The following ARB2A variants were observed in gnomAD, a reference collection of about 807,000 sequenced individuals.
The protein encoded by ARB2A is cotranscriptional regulator ARB2A.
the ARB2A span, chr5:93,784,644 T>C: frequency 1.0e-5 from 6 of 599,446 alleles, no homozygotes; most frequent in Non-Finnish European, 1.7e-5. Flanking sequence ...TTTTTTTGCA[T>C]TGAACACACA....
At chr5:93,889,426 G>A in the ARB2A span, among the ~76,000 whole-genome samples, 1 of 151,740 alleles carries the variant, frequency 6.6e-6, no homozygotes, top group Non-Finnish European at 1.5e-5. Context: ...TTCCCACAAT[G>A]ACCTATGTCA....
chr5:93,715,298 A>T, the ARB2A span, among the ~76,000 whole-genome samples: 1 of 152,200 alleles, frequency 6.6e-6, no homozygotes, highest in Non-Finnish European at 1.5e-5. Context: ...AAATTTTTTT[A>T]AAGCACCTTT....
chr5:93,668,302 G>A, the ARB2A span, among the ~76,000 whole-genome samples: 5 of 151,902 alleles, frequency 3.3e-5, no homozygotes, highest in South Asian at 4.2e-4. Context: ...TCAGGGTTTC[G>A]GCACGTTGGC....
the ARB2A span, among the ~76,000 whole-genome samples, chr5:94,107,710 G>A: frequency 6.6e-6 from 1 of 152,082 alleles, no homozygotes; most frequent in Non-Finnish European, 1.5e-5. Context: ...GAAATTATGT[G>A]GCACATGATC....
At chr5:94,039,853 T>C in the ARB2A span, among the ~76,000 whole-genome samples, 2 of 152,016 alleles carry the variant, frequency 1.3e-5, no homozygotes, top group Admixed American at 1.3e-4. Flanking sequence ...CCTGAAGAGA[T>C]GATACTGAAG....
chr5:93,898,216 T>C, the ARB2A span, among the ~76,000 whole-genome samples: 1 of 152,066 alleles, frequency 6.6e-6, no homozygotes, highest in Non-Finnish European at 1.5e-5. Context: ...TTAGATACTT[T>C]TATTTTCTTC....
At chr5:93,683,797 A>G in the ARB2A span, 5 of 1,202,800 alleles carry the variant, frequency 4.2e-6, no homozygotes, top group Non-Finnish European at 6.0e-6. Flanking sequence ...GCCGCGCAGG[A>G]CGGAATCACA....
At chr5:93,767,396 G>T in the ARB2A span, among the ~76,000 whole-genome samples, 1 of 152,102 alleles carries the variant, frequency 6.6e-6, no homozygotes, top group Non-Finnish European at 1.5e-5. Flanking sequence ...GTGTTGGTGT[G>T]GATGTGGTGA....
the ARB2A span, among the ~76,000 whole-genome samples, chr5:93,633,493 C>T: frequency 1.3e-5 from 2 of 152,162 alleles, no homozygotes; most frequent in Non-Finnish European, 2.9e-5. Flanking sequence ...CTAGGTTTAT[C>T]ATAACCTCAA....
chr5:93,756,229 A>T, the ARB2A span, among the ~76,000 whole-genome samples: 1 of 152,190 alleles, frequency 6.6e-6, no homozygotes, highest in Non-Finnish European at 1.5e-5. Flanking sequence ...AGACTTGTCC[A>T]AGGAGAGTCT....
the ARB2A span, among the ~76,000 whole-genome samples, chr5:93,774,025 C>T: frequency 6.6e-6 from 1 of 152,346 alleles, no homozygotes; most frequent in South Asian, 2.1e-4. Flanking sequence ...ATCCTCTTAC[C>T]TTGGCCTCCC....
chr5:93,770,486 G>A, the ARB2A span, among the ~76,000 whole-genome samples: 1 of 152,052 alleles, frequency 6.6e-6, no homozygotes, highest in African/African-American at 2.4e-5. Context: ...GAAATAAAGG[G>A]TATTCAATTA....
At chr5:93,782,597 T>C in the ARB2A span, among the ~76,000 whole-genome samples, 4 of 152,162 alleles carry the variant, frequency 2.6e-5, no homozygotes, top group Non-Finnish European at 5.9e-5. Context: ...ATGTGTTTTA[T>C]ATTATTTGGG....
At chr5:93,649,597 A>AT in the ARB2A span, among the ~76,000 whole-genome samples, 10 of 152,236 alleles carry the variant, frequency 6.6e-5, no homozygotes, top group African/African-American at 2.2e-4. Context: ...AATTCTTTTT[A>AT]ATTTTTTTGG....
chr5:93,634,069 C>A, the ARB2A span, among the ~76,000 whole-genome samples: 2 of 152,012 alleles, frequency 1.3e-5, no homozygotes, highest in Non-Finnish European at 2.9e-5. Context: ...GGTCGCAAAT[C>A]TACCTTATAT....
At chr5:94,042,713 C>G in the ARB2A span, among the ~76,000 whole-genome samples, 1 of 152,124 alleles carries the variant, frequency 6.6e-6, no homozygotes, top group East Asian at 1.9e-4. Flanking sequence ...ATAAGGCTTT[C>G]TTAAGAATTG....
At chr5:94,021,797 C>T in the ARB2A span, among the ~76,000 whole-genome samples, 3 of 152,304 alleles carry the variant, frequency 2.0e-5, no homozygotes, top group Admixed American at 6.5e-5. Context: ...CCAGGCCAGG[C>T]GCAGTGGCTC....
At chr5:93,684,370 C>G in the ARB2A span, among the ~76,000 whole-genome samples, 153 of 152,218 alleles carry the variant, frequency 1.0e-3, 1 homozygote, top group African/African-American at 3.2e-3. Flanking sequence ...GAGGATTAAT[C>G]GACATAAATA....
chr5:93,977,586 C>G, the ARB2A span, among the ~76,000 whole-genome samples: 1 of 152,076 alleles, frequency 6.6e-6, no homozygotes, highest in African/African-American at 2.4e-5. Flanking sequence ...TAAAACTTGA[C>G]CCCTACTTCT....
Sources: gnomAD v4.1 joint callset for allele counts (sites outside exome capture counted in the v4.1 genomes callset) on GRCh38, gnomAD v4.1.1 for gene constraint, MANE v1.5 for transcripts, NCBI Gene and HGNC (gene_info 2026-07-23, HGNC 2026-07-21) for gene names.